PDGFRL: variants seen among roughly 807,000 people sequenced by gnomAD.
PDGFRL encodes platelet derived growth factor receptor like.
Under a neutral mutation model 37.2 loss-of-function variants are expected in PDGFRL, and 46 were observed. The ratio of observed to expected loss-of-function variants is 1.24; its 90% CI spans 0.98 to 1.58. The LOEUF (loss-of-function observed/expected upper bound fraction) is 1.58. Ranked by LOEUF, PDGFRL falls within the 40% of genes most tolerant of loss-of-function variation. The probability of loss-of-function intolerance (pLI) is 0.00; values close to 1 mark genes in which losing one functional copy is unlikely to be tolerated. For missense variants in PDGFRL, 692 were observed against 467.6 expected, an observed-to-expected ratio of 1.48 and a Z score of -4.43; for synonymous variants, 251 against 184.3, an observed-to-expected ratio of 1.36 and a Z score of -2.93.
intron 2 of PDGFRL, among the ~76,000 whole-genome samples, chr8:17,601,977 C>T (rs73198173): frequency 0.22 from 33,417 of 152,086 alleles, 4,327 homozygotes; most frequent in African/African-American, 0.33. Context: ...CCTTTGGATA[C>T]ATACTTGGTA....
At chr8:17,579,836 G>T (rs1803668904) in intron 1 of PDGFRL, among the ~76,000 whole-genome samples, 1 of 152,030 alleles carries the variant, frequency 6.6e-6, no homozygotes, top group Admixed American at 6.6e-5. Context: ...GAGCTGGAAA[G>T]GCACATAATA....
intron 1 of PDGFRL, among the ~76,000 whole-genome samples, chr8:17,587,022 A>G (rs962555181): frequency 6.6e-6 from 1 of 152,184 alleles, no homozygotes; most frequent in Non-Finnish European, 1.5e-5. Context: ...ACCAATTGAC[A>G]TAGTTAGGCT....
intron 1 of PDGFRL, among the ~76,000 whole-genome samples, chr8:17,579,657 G>T (rs973028345): frequency 6.6e-6 from 1 of 151,662 alleles, no homozygotes; most frequent in Admixed American, 6.6e-5. Context: ...ACTTCCACTT[G>T]TGCTAGCCAC....
chr8:17,638,786 T>TATATATAA lies in PDGFRL; in HGVS notation c.940-3826_940-3825insTATATAAA, dbSNP rs751775328. Among the ~76,000 whole-genome samples, 195 of 102,828 alleles carry TATATATAA rather than the reference T, an allele frequency of 1.9e-3. 11 individuals carry two copies. The highest frequency in any genetic ancestry group is 2.7e-3 in the South Asian group (8 of 2,924). 67.5% of individuals were successfully genotyped at this position (102,828 alleles called of 152,430 possible). ...ATATATATATATATATATATATATATAATTGTGATATTTTCCTGTTGGGCA... is the reference window on the plus strand; with the variant it reads ...ATATATATATATATATATATATATATATATATAAAATTGTGATATTTTCCTGTTGGGCA... On this transcript the variant is annotated intron_variant, in intron 5 of 5. Coordinates refer to ENST00000251630, the MANE Select transcript of PDGFRL (RefSeq NM_001372073.1).
chr8:17,639,371 C>T (rs558258299), intron 5 of PDGFRL, among the ~76,000 whole-genome samples: 2 of 152,108 alleles, frequency 1.3e-5, no homozygotes, highest in East Asian at 1.9e-4. Context: ...TTTATAGGTC[C>T]TATGAGATTT....
intron 1 of PDGFRL, among the ~76,000 whole-genome samples, chr8:17,589,083 TA>T (rs1245215825): frequency 1.3e-5 from 2 of 151,810 alleles, no homozygotes; most frequent in Admixed American, 1.3e-4. Context: ...TAGAGTTACC[TA>T]AAAGCTATGA....
chr8:17,580,648 C>G (rs183748408), intron 1 of PDGFRL, among the ~76,000 whole-genome samples: 27 of 152,214 alleles, frequency 1.8e-4, no homozygotes, highest in Non-Finnish European at 3.1e-4. Flanking sequence ...TAAGTGGCAT[C>G]GAGAATCATG....
At chr8:17,632,694 A>G (rs1804887852) in intron 4 of PDGFRL, among the ~76,000 whole-genome samples, 1 of 151,934 alleles carries the variant, frequency 6.6e-6, no homozygotes, top group African/African-American at 2.4e-5. Flanking sequence ...CAAAGTCCAA[A>G]TCCTTTGCGT....
chr8:17,616,154 T>C (rs1450177061), intron 2 of PDGFRL, among the ~76,000 whole-genome samples: 2 of 150,528 alleles, frequency 1.3e-5, no homozygotes, highest in Non-Finnish European at 3.0e-5. Flanking sequence ...TCCATGATTT[T>C]ATTTTATTAT....
intron 1 of PDGFRL, among the ~76,000 whole-genome samples, 199 bp from the exon 2 acceptor site, chr8:17,589,269 T>A (rs981118489): frequency 1.1e-4 from 17 of 151,870 alleles, no homozygotes; most frequent in Non-Finnish European, 2.1e-4. Context: ...ACCTGTAATC[T>A]CAGCTACTCA....
chr8:17,594,243 A>G (rs1250850482), intron 2 of PDGFRL, among the ~76,000 whole-genome samples: 1 of 151,886 alleles, frequency 6.6e-6, no homozygotes, highest in African/African-American at 2.4e-5. Context: ...AAATGTATAT[A>G]TTACATTTTA....
chr8:17,601,618 C>T (rs935096445), intron 2 of PDGFRL, among the ~76,000 whole-genome samples: 1 of 152,110 alleles, frequency 6.6e-6, no homozygotes, highest in Non-Finnish European at 1.5e-5. Flanking sequence ...CACCCTCTTC[C>T]CACCCTCCAC....
intron 2 of PDGFRL, among the ~76,000 whole-genome samples, chr8:17,598,908 T>G (rs1450508170): frequency 3.3e-5 from 5 of 152,292 alleles, no homozygotes; most frequent in Admixed American, 3.3e-4. Context: ...AAGACATCCC[T>G]TGCTCTTCCA....
chr8:17,580,990 T>A (rs1803695818), intron 1 of PDGFRL, among the ~76,000 whole-genome samples: 1 of 151,894 alleles, frequency 6.6e-6, no homozygotes, highest in Admixed American at 6.6e-5. Context: ...CATAAGAACA[T>A]CAGTCCTATT....
chr8:17,642,892 C>A lies in PDGFRL; in HGVS notation c.*91C>A. The A allele has an allele frequency of 1.2e-6, 1 of 802,792 alleles. No individual in the cohort carries two copies. The allele number at this position is 802,792 out of a possible 1,614,324, so 49.7% of individuals were successfully genotyped here. ...CCTTTTATTAGTGCTTTGCCAGAGG[C>A]TGATGTCAAGCACCACACCCCAACC... is the stretch of plus-strand genomic sequence containing the variant. On this transcript the variant is annotated 3_prime_UTR_variant, in exon 6 of 6. Transcript: ENST00000251630.
At chr8:17,595,862 A>C (rs1355477216) in intron 2 of PDGFRL, among the ~76,000 whole-genome samples, 2 of 152,190 alleles carry the variant, frequency 1.3e-5, no homozygotes, top group Non-Finnish European at 2.9e-5. Context: ...CAGCCTGTAC[A>C]ACTCGAGGGG....
chr8:17,589,722 A>G lies in PDGFRL; in HGVS notation c.310A>G (p.Ser104Gly), dbSNP rs1368211372. The G allele has an allele frequency of 1.9e-6, 3 of 1,613,092 alleles. No individual in the cohort carries two copies. The highest frequency in any genetic ancestry group is 2.5e-6 in the Non-Finnish European group (3 of 1,179,340). The change falls in exon 2 of 6, where the codon AGC (serine) becomes GGC (glycine). Residue 104 changes from serine to glycine, a missense_variant. Coordinates refer to ENST00000251630, the MANE Select transcript of PDGFRL (RefSeq NM_001372073.1). ...LRCKGSRIGW[S>G]YPAYLDTFKD... ...ATGTAAAGGGAGTAGAATTGGGTGG[A>G]GCTACCCTGCGTATCTGGACACCTT...
intron 3 of PDGFRL, among the ~76,000 whole-genome samples, chr8:17,622,997 T>C (rs1804662692): frequency 6.6e-6 from 1 of 152,172 alleles, no homozygotes; most frequent in Non-Finnish European, 1.5e-5. Flanking sequence ...AGGTCAGAGG[T>C]TCTCTAAGGA....
intron 2 of PDGFRL, among the ~76,000 whole-genome samples, chr8:17,590,253 A>AAAAAAAAC (rs1356419901): frequency 1.2e-4 from 18 of 144,624 alleles, no homozygotes; most frequent in African/African-American, 4.5e-4. Flanking sequence ...AAAAAAAAAA[A>AAAAAAAAC]AAATTGCAAA....
Sources: gnomAD v4.1 joint callset for allele counts (sites outside exome capture counted in the v4.1 genomes callset) on GRCh38, gnomAD v4.1.1 for gene constraint, MANE v1.5 for transcripts, NCBI Gene and HGNC (gene_info 2026-07-23, HGNC 2026-07-21) for gene names.